The following ELMO1 variants were observed in gnomAD, a reference collection of about 807,000 sequenced individuals.
ELMO1 encodes engulfment and cell motility 1, also known as engulfment and cell motility protein 1.
In ELMO1, 26 loss-of-function variants were observed where a neutral mutation model predicts 98.9. The observed-to-expected ratio is 0.26, with a 90% CI of 0.19 to 0.36. The LOEUF (loss-of-function observed/expected upper bound fraction) is 0.36, where lower values mean the gene tolerates loss of function less well. Ranked by LOEUF, ELMO1 falls within the 10% of genes least tolerant of loss-of-function variation. ELMO1 has a pLI of 1.00. For synonymous variants in ELMO1, 346 were observed against 346.0 expected (o/e 1.00, Z 0.00); for missense variants, 627 against 935.2 (o/e 0.67, Z 4.30).
intron 14 of ELMO1, among the ~76,000 whole-genome samples, chr7:37,101,420 C>A (rs540376251): frequency 6.6e-6 from 1 of 152,138 alleles, no homozygotes; most frequent in African/African-American, 2.4e-5. Flanking sequence ...AGACAGCTAG[C>A]GCTCAAAATT....
At chr7:36,884,322 A>G (rs898065829) in intron 18 of ELMO1, among the ~76,000 whole-genome samples, 7 of 152,174 alleles carry the variant, frequency 4.6e-5, no homozygotes, top group Middle Eastern at 3.4e-3. Context: ...CTCAAAAAAA[A>G]AAAAAAAATC....
intron 14 of ELMO1, among the ~76,000 whole-genome samples, chr7:37,125,845 G>C (rs371758385): frequency 7.2e-5 from 11 of 152,288 alleles, no homozygotes; most frequent in African/African-American, 2.4e-4. Context: ...GACACATGCA[G>C]ACGTATGTTT....
At chr7:36,866,583 G>A (rs1044781884) in intron 20 of ELMO1, among the ~76,000 whole-genome samples, 1 of 152,214 alleles carries the variant, frequency 6.6e-6, no homozygotes, top group Admixed American at 6.5e-5. Context: ...GACCGAATGG[G>A]TGAGAGGATG....
At chr7:37,080,436 C>CT (rs1192675212) in intron 15 of ELMO1, among the ~76,000 whole-genome samples, 2,592 of 136,534 alleles carry the variant, frequency 0.019, 36 homozygotes, top group East Asian at 0.034. Flanking sequence ...CACCATCCCA[C>CT]TTTTTTTTTT....
rs541636970 is a variant in ELMO1, at chr7:36,884,278, T to C, written c.1714+3282A>G. Among the ~76,000 whole-genome samples, 184 of 150,876 alleles carry C rather than the reference T, an allele frequency of 1.2e-3. 3 individuals carry two copies. In the South Asian group the frequency reaches 0.038, roughly 31 times the overall value. On this transcript the variant is annotated intron_variant, in intron 18 of 21. Transcript: ENST00000310758. The stretch of plus-strand genomic sequence containing the variant: ...GTTGCACTGAGCCGAGATCATGCCA[T>C]TGCACTCCAGCCTGGGTGACAGAGC...
chr7:36,871,357 G>A (rs1803485184), intron 19 of ELMO1, among the ~76,000 whole-genome samples: 1 of 152,106 alleles, frequency 6.6e-6, no homozygotes, highest in South Asian at 2.1e-4. Context: ...GCAACATAGG[G>A]AGACCCTGTC....
At chr7:37,315,761 T>C (rs551799290) in intron 3 of ELMO1, among the ~76,000 whole-genome samples, 159 bp downstream of exon 3, 35 of 152,346 alleles carry the variant, frequency 2.3e-4, no homozygotes, top group African/African-American at 7.2e-4. Context: ...TGAATTCTGT[T>C]GGAAAAGGGT....
chr7:37,301,929 C>G (rs1798372294), intron 4 of ELMO1, among the ~76,000 whole-genome samples: 1 of 152,300 alleles, frequency 6.6e-6, no homozygotes, highest in East Asian at 1.9e-4. Flanking sequence ...ATTTTTCTTA[C>G]TTTATCTCTT....
intron 16 of ELMO1, among the ~76,000 whole-genome samples, chr7:36,930,340 C>T (rs753793774): frequency 2.6e-5 from 4 of 152,186 alleles, no homozygotes; most frequent in Admixed American, 1.3e-4. Flanking sequence ...GAATTTTAGT[C>T]CATGTTCATA....
chr7:37,298,753 G>A (rs1299145117), intron 4 of ELMO1, among the ~76,000 whole-genome samples: 4 of 38,030 alleles, frequency 1.1e-4, no homozygotes, highest in African/African-American at 2.8e-4. Context: ...GAATAATGCC[G>A]CAATAAACAT....
chr7:37,051,060 T>C (rs77828780), intron 15 of ELMO1, among the ~76,000 whole-genome samples: 2,735 of 152,298 alleles, frequency 0.018, 90 homozygotes, highest in African/African-American at 0.063. Flanking sequence ...TTCCTTCCTT[T>C]TTGGGTAAAT....
chr7:37,412,304 C>A (rs1804025623), intron 1 of ELMO1, among the ~76,000 whole-genome samples: 1 of 152,218 alleles, frequency 6.6e-6, no homozygotes. Context: ...TTGTGGGGTC[C>A]TCCTGGACAC....
intron 7 of ELMO1, among the ~76,000 whole-genome samples, chr7:37,240,923 T>TA (rs1454136649): frequency 5.9e-5 from 9 of 152,140 alleles, no homozygotes; most frequent in African/African-American, 2.2e-4. Context: ...GAAAATAATG[T>TA]ATATTTTGCT....
At chr7:37,270,728 C>T (rs1249828014) in intron 5 of ELMO1, 1 of 152,138 alleles carries the variant, frequency 6.6e-6, no homozygotes, top group Admixed American at 6.5e-5. Flanking sequence ...ACTGTAGCGT[C>T]TTGTTTAGCA....
intron 16 of ELMO1, among the ~76,000 whole-genome samples, chr7:36,897,323 GAC>G (rs1806090968): frequency 1.4e-4 from 1 of 7,272 alleles, no homozygotes; most frequent in African/African-American, 2.8e-4. Context: ...AAAGAAAACA[GAC>G]GTGTGTGTGT....
chr7:37,185,670 A>G (rs1791157864), intron 13 of ELMO1, among the ~76,000 whole-genome samples: 1 of 152,230 alleles, frequency 6.6e-6, no homozygotes, highest in Non-Finnish European at 1.5e-5. Context: ...AGAAAATTTG[A>G]AGTACTCTTC....
intron 16 of ELMO1, among the ~76,000 whole-genome samples, chr7:36,996,862 C>A (rs1792253908): frequency 6.6e-6 from 1 of 152,154 alleles, no homozygotes; most frequent in Non-Finnish European, 1.5e-5. Context: ...CTCAGTATGA[C>A]TAACGATAGG....
intron 18 of ELMO1, among the ~76,000 whole-genome samples, chr7:36,879,132 A>G (rs532445046): frequency 9.1e-4 from 138 of 152,354 alleles, no homozygotes; most frequent in African/African-American, 3.2e-3. Flanking sequence ...TGTATTGTGA[A>G]CAATTAATAT....
rs370628250 is a variant in ELMO1 at position 36,899,029 on chromosome 7, G to A, written c.1438-4012C>T. ...CAGACAGGCTGAGGTGCAGGGGAGG[G>A]GCCATTCTTGGTGACAGCAGCAGCC... On this transcript the variant is annotated intron_variant, in intron 16 of 21. Coordinates refer to ENST00000310758, the MANE Select transcript of ELMO1 (RefSeq NM_014800.11). 3.9e-5 allele frequency among the ~76,000 whole-genome samples: 6 copies of A among 152,286 alleles called. No homozygotes were observed. The South Asian group carries it at 1.2e-3, about 32-fold the overall frequency.
Sources: gnomAD v4.1 joint callset for allele counts (sites outside exome capture counted in the v4.1 genomes callset) on GRCh38, gnomAD v4.1.1 for gene constraint, MANE v1.5 for transcripts, NCBI Gene and HGNC (gene_info 2026-07-23, HGNC 2026-07-21) for gene names.